Variants in PKIB observed in about 807,000 individuals in gnomAD.
PKIB encodes PKI-beta.
A neutral mutation model predicts 4.5 loss-of-function variants in PKIB; 2 were observed. The observed-to-expected ratio is 0.44, with a 90% CI of 0.18 to 1.39. The LOEUF (loss-of-function observed/expected upper bound fraction) is 1.39. Among genes scored for constraint, PKIB ranks in the 40% most tolerant of loss-of-function variants. PKIB has a pLI of 0.27. For synonymous variants in PKIB, 38 were observed against 36.0 expected (o/e 1.06, Z -0.20); for missense variants, 94 against 92.6 (o/e 1.02, Z -0.06).
intron 3 of PKIB, among the ~76,000 whole-genome samples, chr6:122,707,012 A>G (rs1484080097): frequency 1.3e-5 from 2 of 152,104 alleles, no homozygotes; most frequent in African/African-American, 2.4e-5. Flanking sequence ...TTTAACTTAT[A>G]TAGTACTAAA....
At chr6:122,487,951 T>C (rs1249372591) in intron 2 of PKIB, among the ~76,000 whole-genome samples, 1 of 152,170 alleles carries the variant, frequency 6.6e-6, no homozygotes, top group Admixed American at 6.5e-5. Flanking sequence ...TTATCACTCG[T>C]TTAAAGTGAT....
chr6:122,687,328 G>A (rs770343687), intron 3 of PKIB, among the ~76,000 whole-genome samples: 1 of 152,058 alleles, frequency 6.6e-6, no homozygotes, highest in Non-Finnish European at 1.5e-5. Flanking sequence ...TGGTCTATAT[G>A]TCTGTTTTTA....
chr6:122,549,877 TA>T (rs1772621431), intron 2 of PKIB, among the ~76,000 whole-genome samples: 1 of 147,470 alleles, frequency 6.8e-6, no homozygotes, highest in Non-Finnish European at 1.5e-5. Context: ...TATAAAAATA[TA>T]TAATTTTATA....
At chr6:122,676,022 A>T (rs561944618) in intron 3 of PKIB, among the ~76,000 whole-genome samples, 1 of 152,020 alleles carries the variant, frequency 6.6e-6, no homozygotes, top group South Asian at 2.1e-4. Flanking sequence ...ATTCAATCAC[A>T]TTACATTTAT....
chr6:122,537,064 T>A (rs1451833598), intron 2 of PKIB, among the ~76,000 whole-genome samples: 1 of 152,024 alleles, frequency 6.6e-6, no homozygotes, highest in East Asian at 1.9e-4. Flanking sequence ...GCTGGTAAAT[T>A]TTTTTTCTTT....
chr6:122,512,976 G>T (rs916224843), intron 2 of PKIB, among the ~76,000 whole-genome samples: 3 of 151,996 alleles, frequency 2.0e-5, no homozygotes, highest in African/African-American at 7.3e-5. Context: ...ATATGTATAG[G>T]TGTGTATGTA....
intron 2 of PKIB, among the ~76,000 whole-genome samples, chr6:122,661,584 C>A (rs1457412747): frequency 6.6e-6 from 1 of 152,122 alleles, no homozygotes; most frequent in Admixed American, 6.6e-5. Context: ...ATTTTATTTA[C>A]ACATTTATCA....
chr6:122,642,745 A>G (rs1295150022), intron 2 of PKIB, among the ~76,000 whole-genome samples: 1 of 152,186 alleles, frequency 6.6e-6, no homozygotes, highest in African/African-American at 2.4e-5. Context: ...GGGTGTGCCA[A>G]TGTACTGGAG....
chr6:122,704,357 C>T lies in PKIB; in HGVS notation c.-8-13430C>T, dbSNP rs539728452. The stretch of plus-strand genomic sequence containing the variant: ...ACCAAGTATCTGAGCACTTTGTAGC[C>T]CAGTCAAGTTGGCATATAAAATTAG... On this transcript the variant is annotated intron_variant, in intron 3 of 4. Transcript: ENST00000368452. 1.1e-4 allele frequency among the ~76,000 whole-genome samples: 16 copies of T among 151,716 alleles called. No individual in the cohort carries two copies. The South Asian group carries it at 3.4e-3, about 32-fold the overall frequency.
chr6:122,477,032 A>C (rs1775466377), intron 1 of PKIB, among the ~76,000 whole-genome samples: 1 of 152,210 alleles, frequency 6.6e-6, no homozygotes, highest in Non-Finnish European at 1.5e-5. Flanking sequence ...AGATGTATTA[A>C]AAGAAACGGA....
At chr6:122,698,004 A>T (rs1313452865) in intron 3 of PKIB, among the ~76,000 whole-genome samples, 1 of 152,146 alleles carries the variant, frequency 6.6e-6, no homozygotes, top group African/African-American at 2.4e-5. Flanking sequence ...AAGAGTTGTA[A>T]AAATATACAT....
chr6:122,712,939 C>T (rs1342277935), intron 3 of PKIB, among the ~76,000 whole-genome samples: 2 of 152,106 alleles, frequency 1.3e-5, no homozygotes, highest in African/African-American at 2.4e-5. Context: ...TCTTAGCAGG[C>T]TCTTCGGGGC....
chr6:122,548,353 C>T (rs190999902), intron 2 of PKIB, among the ~76,000 whole-genome samples: 194 of 152,146 alleles, frequency 1.3e-3, no homozygotes, highest in Middle Eastern at 6.8e-3. Context: ...CCTAATTTCC[C>T]GAGCCTTTCT....
chr6:122,606,376 G>A (rs973766541), upstream of PKIB, among the ~76,000 whole-genome samples: 3 of 151,972 alleles, frequency 2.0e-5, no homozygotes, highest in African/African-American at 7.2e-5. Context: ...AGTCCAAGAC[G>A]AGCCTGGCTA....
chr6:122,692,623 A>G (rs1778402586), intron 3 of PKIB, among the ~76,000 whole-genome samples: 1 of 146,730 alleles, frequency 6.8e-6, no homozygotes, highest in African/African-American at 2.5e-5. Context: ...CAGAAATGCC[A>G]TCCAAGAGCC....
chr6:122,679,819 A>T (rs1285097130), intron 3 of PKIB, among the ~76,000 whole-genome samples: 1 of 152,170 alleles, frequency 6.6e-6, no homozygotes, highest in East Asian at 1.9e-4. Context: ...ACATTGTCAC[A>T]CTTCATCATC....
At chr6:122,503,669 T>C (rs1386508935) in intron 2 of PKIB, among the ~76,000 whole-genome samples, 1 of 152,164 alleles carries the variant, frequency 6.6e-6, no homozygotes, top group African/African-American at 2.4e-5. Flanking sequence ...TTTGGGGTAT[T>C]ACAAGGCAAA....
At chr6:122,706,313 C>T (rs1779054399) in intron 3 of PKIB, among the ~76,000 whole-genome samples, 1 of 152,000 alleles carries the variant, frequency 6.6e-6, no homozygotes, top group South Asian at 2.1e-4. Flanking sequence ...TTTACATTTC[C>T]TTTAATATGC....
intron 2 of PKIB, among the ~76,000 whole-genome samples, chr6:122,663,098 A>T (rs6569264): frequency 6.6e-6 from 1 of 151,960 alleles, no homozygotes; most frequent in East Asian, 1.9e-4. Context: ...GGCATGGGTA[A>T]TTGTGGTGAT....
Sources: allele counts gnomAD v4.1 joint callset (sites outside exome capture counted in the v4.1 genomes callset), GRCh38; gene constraint gnomAD v4.1.1; transcripts MANE v1.5; gene names NCBI Gene and HGNC (gene_info 2026-07-23, HGNC 2026-07-21).